SMYD5: variants seen among roughly 807,000 people sequenced by gnomAD.
SMYD5 encodes SMYD family member 5.
A neutral mutation model predicts 57.4 loss-of-function variants in SMYD5; 35 were observed. The observed-to-expected ratio is 0.61, with a 90% CI of 0.47 to 0.81. The LOEUF (loss-of-function observed/expected upper bound fraction) is 0.81, where lower values mean the gene tolerates loss of function less well. Among genes scored for constraint, SMYD5 ranks in the 30% least tolerant of loss-of-function variants. SMYD5 has a pLI of 0.00. For missense variants in SMYD5, 471 were observed against 527.9 expected (o/e 0.89, Z 1.06); for synonymous variants, 198 against 189.7 (o/e 1.04, Z -0.36).
intron 10 of SMYD5, 105 bp from the exon 11 acceptor site, chr2:73,224,761 G>A: frequency 1.1e-6 from 1 of 885,686 alleles, no homozygotes; most frequent in African/African-American, 1.7e-5. Flanking sequence ...AACGTGCTCA[G>A]CCTTGGCAGG....
intron 1 of SMYD5, 195 bp downstream of exon 1, chr2:73,214,557 C>T: frequency 6.7e-7 from 1 of 1,487,694 alleles, no homozygotes; most frequent in Non-Finnish European, 9.0e-7. Flanking sequence ...TAGACCCGGG[C>T]CTCCGGAGTC....
chr2:73,215,211 CTT>C (rs1226096737), intron 1 of SMYD5, among the ~76,000 whole-genome samples: 1 of 151,974 alleles, frequency 6.6e-6, no homozygotes, highest in African/African-American at 2.4e-5. Context: ...CAAACATCCT[CTT>C]GTTTTGTCCA....
rs150782473 is a variant in SMYD5 at position 73,219,403 on chromosome 2, C to T, written c.205+434C>T. 5.4e-3 allele frequency among the ~76,000 whole-genome samples: 829 copies of T among 152,134 alleles called. 6 individuals are homozygous for T. Among genetic ancestry groups the T allele is most frequent in the Non-Finnish European group, 6.9e-3 (472 of 68,012 alleles). On this transcript the variant is annotated intron_variant, in intron 2 of 12. Coordinates refer to ENST00000389501, the MANE Select transcript of SMYD5 (RefSeq NM_006062.3). ...TTTTTTGGGGTCTGGGGGAGGGGGA[C>T]GGAGTTTCGCTCTTGTCACCCAGGC... is the stretch of plus-strand genomic sequence containing the variant.
rs776629793 is a variant in SMYD5 at position 73,220,207 on chromosome 2, A to C, written c.345+17A>C. 5 of 1,612,418 alleles carry C rather than the reference A, an allele frequency of 3.1e-6. No homozygotes were observed. In the South Asian group the frequency reaches 5.5e-5, roughly 18 times the overall value. On this transcript the variant is annotated intron_variant, in intron 3 of 12. Coordinates refer to ENST00000389501, the MANE Select transcript of SMYD5 (RefSeq NM_006062.3). ...CATTGCCAAGTGAGTATTCTTGGGG[A>C]GTGTACCTGGAAGGGGGTGGGTGAG... is the stretch of plus-strand genomic sequence containing the variant.
At chr2:73,214,737 G>T (rs1451440208) in intron 1 of SMYD5, 17 of 1,332,066 alleles carry the variant, frequency 1.3e-5, no homozygotes, top group Non-Finnish European at 1.5e-5. Flanking sequence ...CGAACTTCAT[G>T]TGTGAGATTT....
At chr2:73,214,581 C>T in intron 1 of SMYD5, 2 of 1,497,986 alleles carry the variant, frequency 1.3e-6, no homozygotes, top group East Asian at 2.5e-5. Context: ...GTGCGCATTT[C>T]CTCCCAGCGG....
intron 1 of SMYD5, among the ~76,000 whole-genome samples, chr2:73,215,643 C>G (rs1309153801): frequency 6.6e-6 from 1 of 152,170 alleles, no homozygotes; most frequent in Non-Finnish European, 1.5e-5. Context: ...TCATTAGCCC[C>G]CAGTCTCTCA....
chr2:73,219,034 A>T (rs1686338563), intron 2 of SMYD5, 65 bp downstream of exon 2: 1 of 1,165,346 alleles, frequency 8.6e-7, no homozygotes. Flanking sequence ...AGCTGCATAC[A>T]TCCCTACTGG....
rs748597012 is a variant in SMYD5, at chr2:73,218,866, G to A, written c.102G>A (p.Lys34=). ...EVRFVSSAKG[K]GLFATQLIRK... is the part of the protein sequence containing the mutation. ...CTATCCCTCTGCCCTCTCAGGGAAA[G>A]GGGCTGTTTGCCACACAGCTCATCC... Residue 34 remains lysine (K), a synonymous_variant, in exon 2 of 13, where the codon AAG becomes AAA. Coordinates refer to ENST00000389501, the MANE Select transcript of SMYD5 (RefSeq NM_006062.3). The A allele has an allele frequency of 8.1e-6, 13 of 1,612,806 alleles. No homozygotes were observed. Among genetic ancestry groups the A allele is most frequent in the Non-Finnish European group, 1.1e-5 (13 of 1,178,850 alleles).
Position 73,226,098 on chromosome 2 carries a change from C to A in SMYD5, c.*152C>A. 9.0e-7 allele frequency: 1 copy of A among 1,111,006 alleles called. No homozygotes were observed. The highest frequency in any genetic ancestry group is 1.2e-6 in the Non-Finnish European group (1 of 801,598). The allele number at this position is 1,111,006 out of a possible 1,614,324, so 68.8% of individuals were successfully genotyped here. On this transcript the variant is annotated 3_prime_UTR_variant, in exon 13 of 13. Transcript: ENST00000389501. ...CTAGAGGGTAGGAGAGAGCCTGGAT[C>A]TCTGGCCCCAACCCCCACCAGACCT...
chr2:73,221,172 C>T lies in SMYD5; in HGVS notation c.475C>T (p.His159Tyr). ...TTTTTTCTCTTTCCCCAGGAGTATT[C>T]ACTACCCACCTGAGACTGCAAGCAT... ...NKLQEAWRSI[H>Y]YPPETASIML... The change falls in exon 5 of 13, where the codon CAC (histidine) becomes TAC (tyrosine). Residue 159 changes from histidine (H) to tyrosine (Y), a missense_variant. Coordinates refer to ENST00000389501, the MANE Select transcript of SMYD5 (RefSeq NM_006062.3). 1 of 1,613,806 alleles carries T rather than the reference C, an allele frequency of 6.2e-7. No individual in the cohort carries two copies. The highest frequency in any genetic ancestry group is 1.1e-5 in the South Asian group (1 of 91,058).
Position 73,226,171 on chromosome 2 carries a change from CTG to C in SMYD5, c.*226_*227del. 3 of 595,794 alleles carry C rather than the reference CTG, an allele frequency of 5.0e-6. No homozygotes were observed. 36.9% of individuals were successfully genotyped at this position (595,794 alleles called of 1,614,324 possible). A position where few individuals can be genotyped will look rare whatever the true frequency, so the allele number is the denominator to read the frequency against. The stretch of plus-strand genomic sequence containing the variant: ...AGTTGGCTCAGACTCTGCACTGGCA[CTG>C]AGCCTTTCACAACTGGCCTCCCCTT... On this transcript the variant is annotated 3_prime_UTR_variant, in exon 13 of 13. Transcript: ENST00000389501.
intron 5 of SMYD5, 76 bp from the exon 6 acceptor site, chr2:73,221,750 G>A: frequency 1.0e-6 from 1 of 976,340 alleles, no homozygotes; most frequent in Non-Finnish European, 1.7e-6. Context: ...CCTGTGTAGT[G>A]GTATTTCCCA....
intron 1 of SMYD5, chr2:73,214,740 TGA>T: frequency 1.5e-6 from 2 of 1,328,486 alleles, no homozygotes; most frequent in Non-Finnish European, 2.0e-6. Flanking sequence ...ACTTCATGTG[TGA>T]GATTTGGGTG....
In SMYD5 at chr2:73,220,783, G is replaced by T; in HGVS notation, c.467+1G>T. On this transcript the variant is annotated splice_donor_variant, in intron 4 of 12. Transcript: ENST00000389501. LOFTEE classifies it high-confidence loss of function. The stretch of plus-strand genomic sequence containing the variant: ...TCAATAAGCTTCAGGAGGCATGGAG[G>T]TAGGTTTCTTTTCCTCTCTTCTTTC... The T allele has an allele frequency of 1.2e-6, 2 of 1,613,856 alleles. No homozygotes were observed. Among genetic ancestry groups the T allele is most frequent in the South Asian group, 2.2e-5 (2 of 91,074 alleles).
In SMYD5 at chr2:73,220,031, T is replaced by G; in HGVS notation, c.206-20T>G. 1 of 1,614,156 alleles carries G rather than the reference T, an allele frequency of 6.2e-7. No individual in the cohort carries two copies. The highest frequency in any genetic ancestry group is 1.1e-5 in the South Asian group (1 of 91,090). On this transcript the variant is annotated intron_variant, in intron 2 of 12. Transcript: ENST00000389501. ...GGCCTCTGCTCTCAAGATATTGTTGTGTCTGGCTCTCACCGTCAGCCTGTG... is the reference window on the plus strand; with the variant it reads ...GGCCTCTGCTCTCAAGATATTGTTGGGTCTGGCTCTCACCGTCAGCCTGTG...
chr2:73,222,251 G>T (rs1440993843), intron 6 of SMYD5, among the ~76,000 whole-genome samples: 1 of 152,200 alleles, frequency 6.6e-6, no homozygotes, highest in African/African-American at 2.4e-5. Context: ...TGGGGCCGCA[G>T]AATCAGAGAG....
At position 73,227,045 on chromosome 2, in the gene SMYD5, C is replaced by G. The variant is rs1686522579; in HGVS notation, c.*1099C>G. 6.5e-6 allele frequency: 1 copy of G among 152,824 alleles called. No homozygotes were observed. Among genetic ancestry groups the G allele is most frequent in the Non-Finnish European group, 1.5e-5 (1 of 68,154 alleles). 9.5% of individuals were successfully genotyped at this position (152,824 alleles called of 1,614,324 possible). Reference sequence around the variant, plus strand: ...CTTTCCTGGAGGAGCCTGCTGCATTCTCCTGCTGAGGGATCCCAGAGAGGG... The same window carrying G: ...CTTTCCTGGAGGAGCCTGCTGCATTGTCCTGCTGAGGGATCCCAGAGAGGG... On this transcript the variant is annotated 3_prime_UTR_variant, in exon 13 of 13. Transcript: ENST00000389501.
In SMYD5 at chr2:73,223,332, G is replaced by C. The variant is rs1036519891; in HGVS notation, c.777-94G>C. The C allele has an allele frequency of 6.6e-6, 6 of 912,614 alleles. No homozygotes were observed. The African/African-American group carries it at 8.2e-5, about 12-fold the overall frequency. The allele number at this position is 912,614 out of a possible 1,614,324, so 56.5% of individuals were successfully genotyped here. A position where few individuals can be genotyped will look rare whatever the true frequency, so the allele number is the denominator to read the frequency against. On this transcript the variant is annotated intron_variant, in intron 8 of 12. Coordinates refer to ENST00000389501, the MANE Select transcript of SMYD5 (RefSeq NM_006062.3). ...AGAATGAAGTGGGGTGGGGATGGGA[G>C]ACCCTTCTTCCTGGGCTTAACTTAC...
Sources: allele counts gnomAD v4.1 joint callset (sites outside exome capture counted in the v4.1 genomes callset), GRCh38; gene constraint gnomAD v4.1.1; transcripts MANE v1.5; gene names NCBI Gene and HGNC (gene_info 2026-07-23, HGNC 2026-07-21).